GRIK4: variants seen among roughly 807,000 people sequenced by gnomAD.
GRIK4 encodes glutamate receptor ionotropic, kainate 4.
In GRIK4, 40 loss-of-function variants were observed where a neutral mutation model predicts 104.9. The ratio of observed to expected loss-of-function variants is 0.38; its 90% confidence interval spans 0.30 to 0.50. The LOEUF (loss-of-function observed/expected upper bound fraction) is 0.50, where lower values mean the gene tolerates loss of function less well. Among genes scored for constraint, GRIK4 ranks in the 20% least tolerant of loss-of-function variants. The pLI is 0.93. For synonymous variants in GRIK4, 485 were observed against 524.9 expected (o/e 0.92, Z 1.04); for missense variants, 1,047 against 1,308.1 (o/e 0.80, Z 3.08).
chr11:120,906,790 G>C (rs1203178343), intron 13 of GRIK4, among the ~76,000 whole-genome samples: 1 of 152,158 alleles, frequency 6.6e-6, no homozygotes, highest in Non-Finnish European at 1.5e-5. Context: ...GAACATGGAC[G>C]GCATCTGCAA....
At chr11:120,619,541 C>T (rs1221084144) in intron 1 of GRIK4, among the ~76,000 whole-genome samples, 1 of 152,114 alleles carries the variant, frequency 6.6e-6, no homozygotes, top group East Asian at 1.9e-4. Context: ...TGTGTGTCCA[C>T]CCAAAGCTCA....
intron 8 of GRIK4, among the ~76,000 whole-genome samples, chr11:120,841,779 A>G (rs957622408): frequency 6.6e-6 from 1 of 152,110 alleles, no homozygotes; most frequent in Non-Finnish European, 1.5e-5. Flanking sequence ...AATACTTGCT[A>G]TTTTTCATTT....
At chr11:120,695,056 T>A (rs1211001147) in intron 3 of GRIK4, among the ~76,000 whole-genome samples, 3 of 152,100 alleles carry the variant, frequency 2.0e-5, no homozygotes, top group Non-Finnish European at 4.4e-5. Context: ...CTTCTCTCAC[T>A]CCTTTCAAAG....
At chr11:120,587,248 C>T (rs972406548) in intron 1 of GRIK4, among the ~76,000 whole-genome samples, 8 of 152,136 alleles carry the variant, frequency 5.3e-5, no homozygotes, top group Middle Eastern at 3.4e-3. Context: ...CCTAATATAA[C>T]GACACCGACA....
At chr11:120,550,577 C>T (rs1256100448) in intron 1 of GRIK4, among the ~76,000 whole-genome samples, 1 of 151,868 alleles carries the variant, frequency 6.6e-6, no homozygotes, top group African/African-American at 2.4e-5. Flanking sequence ...CTGGGGTATG[C>T]CAATGTTAGA....
intron 1 of GRIK4, among the ~76,000 whole-genome samples, chr11:120,650,276 G>T (rs762890726): frequency 6.6e-6 from 1 of 152,206 alleles, no homozygotes; most frequent in Non-Finnish European, 1.5e-5. Context: ...AGACCAAGGG[G>T]TGCAGAGGGA....
At chr11:120,571,576 C>G (rs1162991363) in intron 1 of GRIK4, among the ~76,000 whole-genome samples, 2 of 152,084 alleles carry the variant, frequency 1.3e-5, no homozygotes, top group Admixed American at 6.5e-5. Flanking sequence ...AGGTGTTCCT[C>G]CTCCCCCAAG....
chr11:120,836,176 G>C (rs1366998098), intron 7 of GRIK4, among the ~76,000 whole-genome samples: 1 of 152,166 alleles, frequency 6.6e-6, no homozygotes, highest in Non-Finnish European at 1.5e-5. Flanking sequence ...TCCTGAAGGG[G>C]GAGTATAGAG....
chr11:120,530,877 G>A lies in GRIK4; in HGVS notation c.-159+18990G>A, dbSNP rs114567269. ...TAGACCCCGCTTCCCTACAGTGGAC[G>A]GCACCTGTGTCCTACTGATGTCTCT... is the stretch of plus-strand genomic sequence containing the variant. On this transcript the variant is annotated intron_variant, in intron 1 of 20. Coordinates refer to ENST00000527524, the MANE Select transcript of GRIK4 (RefSeq NM_014619.5). Among the ~76,000 whole-genome samples the A allele has an allele frequency of 5.7e-3, 864 of 152,284 alleles. 12 individuals carry two copies. Among genetic ancestry groups the A allele is most frequent in the African/African-American group, 0.02 (823 of 41,534 alleles).
chr11:120,726,711 A>G (rs1028693868), intron 3 of GRIK4, among the ~76,000 whole-genome samples: 1 of 152,186 alleles, frequency 6.6e-6, no homozygotes, highest in Non-Finnish European at 1.5e-5. Context: ...TCTATTAGAC[A>G]TAGATCATGT....
chr11:120,699,539 ATGTGTGTGTGTGTG>A lies in GRIK4; in HGVS notation c.82+39169_82+39182del, dbSNP rs57345739. On this transcript the variant is annotated intron_variant, in intron 3 of 20. Transcript: ENST00000527524. The stretch of plus-strand genomic sequence containing the variant: ...TATAAACAGTAAGTCAGGTGTGTGT[ATGTGTGTGTGTGTG>A]TGTGTGTGTGTGTGTGTGTGTGTGT... Among the ~76,000 whole-genome samples the A allele has an allele frequency of 6.4e-3, 920 of 144,862 alleles. 2 individuals are homozygous for A. The highest frequency in any genetic ancestry group is 0.016 in the African/African-American group (641 of 39,178).
rs78939861 is a variant in GRIK4 at position 120,889,925 on chromosome 11, C to A, written c.1165-8607C>A. Among the ~76,000 whole-genome samples the A allele has an allele frequency of 5.4e-3, 824 of 152,106 alleles. 10 individuals are homozygous for A. The highest frequency in any genetic ancestry group is 0.017 in the African/African-American group (704 of 41,502). ...AGTCAGAGCTTGCATTTGAATAGGCCTTGAAACTTTTGTCACATCTGTAAT... is the reference window on the plus strand; with the variant it reads ...AGTCAGAGCTTGCATTTGAATAGGCATTGAAACTTTTGTCACATCTGTAAT... On this transcript the variant is annotated intron_variant, in intron 11 of 20. Coordinates refer to ENST00000527524, the MANE Select transcript of GRIK4 (RefSeq NM_014619.5).
At chr11:120,918,445 C>T (rs915382187) in intron 13 of GRIK4, among the ~76,000 whole-genome samples, 1 of 152,176 alleles carries the variant, frequency 6.6e-6, no homozygotes, top group African/African-American at 2.4e-5. Flanking sequence ...TTTTTACTTT[C>T]ATAGAGTTCA....
At chr11:120,593,340 C>T (rs12421186) in intron 1 of GRIK4, among the ~76,000 whole-genome samples, 36,700 of 152,036 alleles carry the variant, frequency 0.24, 5,457 homozygotes, top group Admixed American at 0.33. Flanking sequence ...GCGGCTGCCC[C>T]ACCAATCCAC....
At chr11:120,862,528 G>A (rs1057195879) in intron 9 of GRIK4, among the ~76,000 whole-genome samples, 1 of 152,128 alleles carries the variant, frequency 6.6e-6, no homozygotes. Flanking sequence ...GGGATGTGGG[G>A]GTCTTGTTCA....
At chr11:120,523,411 G>C (rs1365988681) in intron 1 of GRIK4, among the ~76,000 whole-genome samples, 2 of 152,014 alleles carry the variant, frequency 1.3e-5, no homozygotes, top group Non-Finnish European at 2.9e-5. Context: ...AGCTCCTTTG[G>C]GGAGGGAAGT....
intron 1 of GRIK4, among the ~76,000 whole-genome samples, chr11:120,585,950 A>G (rs1440568996): frequency 2.0e-5 from 3 of 152,104 alleles, no homozygotes; most frequent in Non-Finnish European, 4.4e-5. Context: ...AAGCACCTTT[A>G]GCAGTTGGGA....
chr11:120,868,759 G>A (rs1426816286), intron 9 of GRIK4: 1 of 135,922 alleles, frequency 7.4e-6, no homozygotes, highest in African/African-American at 3.3e-5. Context: ...TTTTTTTTTT[G>A]TATTTTTAGT....
chr11:120,876,279 TACCACCATCATCACCACCACCACA>T (rs1954802650), intron 11 of GRIK4, among the ~76,000 whole-genome samples: 2 of 99,700 alleles, frequency 2.0e-5, no homozygotes, highest in Non-Finnish European at 4.2e-5. Context: ...CCACCACCAC[TACCACCATCATCACCACCACCACA>T]ACCACAAAAC....
Sources: gnomAD v4.1 joint callset for allele counts (sites outside exome capture counted in the v4.1 genomes callset) on GRCh38, gnomAD v4.1.1 for gene constraint, MANE v1.5 for transcripts, NCBI Gene and HGNC (gene_info 2026-07-23, HGNC 2026-07-21) for gene names.